Variants in CACNA1G observed in about 807,000 individuals in gnomAD.
CACNA1G encodes voltage-dependent T-type calcium channel subunit alpha-1G.
A neutral mutation model predicts 219.4 loss-of-function variants in CACNA1G; 67 were observed. The observed-to-expected ratio is 0.31, with a 90% CI of 0.25 to 0.37. The LOEUF (loss-of-function observed/expected upper bound fraction) is 0.37, where lower values mean the gene tolerates loss of function less well. Ranked by LOEUF, CACNA1G falls within the 10% of genes least tolerant of loss-of-function variation. The probability of loss-of-function intolerance (pLI) is 1.00; values close to 1 mark genes in which losing one functional copy is unlikely to be tolerated. For synonymous variants in CACNA1G, 1,296 were observed against 1,345.3 expected (o/e 0.96, Z 0.80); for missense variants, 2,380 against 3,231.4 (o/e 0.74, Z 6.39).
At chr17:50,593,838 TG>T (rs369301914) in intron 13 of CACNA1G, among the ~76,000 whole-genome samples, 10 of 152,214 alleles carry the variant, frequency 6.6e-5, no homozygotes, top group African/African-American at 2.4e-4. Flanking sequence ...GGAGTGCCCA[TG>T]GGAGGGGCTG....
chr17:50,595,740 G>A (rs1034172997), intron 14 of CACNA1G, among the ~76,000 whole-genome samples: 2 of 152,252 alleles, frequency 1.3e-5, no homozygotes, highest in Non-Finnish European at 2.9e-5. Flanking sequence ...CAGCATTCCT[G>A]TGGGACCCCA....
At chr17:50,595,319 T>C (rs1279127053) in intron 14 of CACNA1G, among the ~76,000 whole-genome samples, 1 of 152,234 alleles carries the variant, frequency 6.6e-6, no homozygotes, top group Non-Finnish European at 1.5e-5. Flanking sequence ...GACTGGTGGA[T>C]GGGCCGGAGA....
In CACNA1G at chr17:50,561,141, C is replaced by T. The variant is rs1433855559; in HGVS notation, c.-319C>T. ...TCGCCGAAGGTAGCGCCGAATCCGG[C>T]AACCGGAGCCTGGGCGCGAAGCGAA... On this transcript the variant is annotated 5_prime_UTR_variant, in exon 1 of 38. Transcript: ENST00000359106. 9.8e-6 allele frequency: 5 copies of T among 512,306 alleles called. No individual in the cohort carries two copies. Among genetic ancestry groups the T allele is most frequent in the Admixed American group, 5.1e-5 (2 of 38,950 alleles). 31.7% of individuals were successfully genotyped at this position (512,306 alleles called of 1,614,324 possible). A position where few individuals can be genotyped will look rare whatever the true frequency, so the allele number is the denominator to read the frequency against.
At position 50,569,773 on chromosome 17, in the gene CACNA1G, C is replaced by T. The variant is rs1324834045; in HGVS notation, c.556C>T (p.Arg186Ter). 1.3e-6 allele frequency: 2 copies of T among 1,550,676 alleles called. No homozygotes were observed. Among genetic ancestry groups the T allele is most frequent in the Non-Finnish European group, 1.7e-6 (2 of 1,146,822 alleles). ...AGCTGTCAGGACAGTCCGTGTGCTGCGACCGCTCAGGGCCATTAACCGGGT... is the reference window on the plus strand; with the variant it reads ...AGCTGTCAGGACAGTCCGTGTGCTGTGACCGCTCAGGGCCATTAACCGGGT... ...FSAVRTVRVL[R>*]PLRAINRVPS... Residue 186 changes from arginine to a stop codon, truncating the protein, a stop_gained, in exon 4 of 38, where the codon CGA becomes TGA. Coordinates refer to ENST00000359106, the MANE Select transcript of CACNA1G (RefSeq NM_018896.5). LOFTEE classifies it high-confidence loss of function.
rs1408177046 is a variant in CACNA1G at position 50,569,662 on chromosome 17, T to G, written c.489-44T>G. On this transcript the variant is annotated intron_variant, in intron 3 of 37. Transcript: ENST00000359106. The stretch of plus-strand genomic sequence containing the variant: ...TCATTGACCTCTTTTGACCCCACTG[T>G]GGCCTCAGACTCAAAGGGCCTCCCT... 4 of 1,382,902 alleles carry G rather than the reference T, an allele frequency of 2.9e-6. No homozygotes were observed. The East Asian group carries it at 1.0e-4, about 35-fold the overall frequency. 85.7% of individuals were successfully genotyped at this position (1,382,902 alleles called of 1,614,324 possible).
intron 28 of CACNA1G, among the ~76,000 whole-genome samples, chr17:50,616,967 G>A (rs2050724768): frequency 6.6e-6 from 1 of 152,022 alleles, no homozygotes; most frequent in Non-Finnish European, 1.5e-5. Context: ...CAGTCTCCCA[G>A]GTAGCTGGGA....
At chr17:50,589,513 T>C (rs2145418691) in intron 9 of CACNA1G, among the ~76,000 whole-genome samples, 1 of 152,190 alleles carries the variant, frequency 6.6e-6, no homozygotes, top group Middle Eastern at 3.4e-3. Context: ...GGCTGGCATG[T>C]TTTTGCAGCT....
At position 50,595,066 on chromosome 17, in the gene CACNA1G, G is replaced by C; in HGVS notation, c.2979+5G>C. ...CTGCCTGTCGACTCCCAGGGGGTAGGTACGCGATCATGAGCCGGCATGCCT... is the reference window on the plus strand; with the variant it reads ...CTGCCTGTCGACTCCCAGGGGGTAGCTACGCGATCATGAGCCGGCATGCCT... On this transcript the variant is annotated splice_donor_5th_base_variant and intron_variant, in intron 14 of 37. Coordinates refer to ENST00000359106, the MANE Select transcript of CACNA1G (RefSeq NM_018896.5). 6.4e-7 allele frequency: 1 copy of C among 1,551,594 alleles called. No homozygotes were observed. The highest frequency in any genetic ancestry group is 8.7e-7 in the Non-Finnish European group (1 of 1,147,050).
chr17:50,596,823 G>A lies in CACNA1G; in HGVS notation c.3158G>A (p.Ser1053Asn). Reference protein sequence around the residue: ...TAATPMSLPKSTSTGLGEALG... With the variant: ...TAATPMSLPKNTSTGLGEALG... ...GCCACACCCATGTCGCTGCCCAAGA[G>A]CACCAGCACGGGCCTGGGCGAGGCG... Residue 1053 changes from serine (S) to asparagine (N), a missense_variant, in exon 16 of 38, where the codon AGC becomes AAC. Transcript: ENST00000359106. The surrounding 1 kb of genome is among the most constrained non-coding windows in gnomAD (Gnocchi z 4.8). 6.2e-7 allele frequency: 1 copy of A among 1,609,858 alleles called. No homozygotes were observed. The highest frequency in any genetic ancestry group is 8.5e-7 in the Non-Finnish European group (1 of 1,178,976).
chr17:50,618,136 G>A lies in CACNA1G; in HGVS notation c.5305+10G>A. ...CTCTTTGGAGACCTGGGTGAGTTGG[G>A]GTAGGGGAGGGTGGAGGAGCCAGGG... On this transcript the variant is annotated intron_variant, in intron 31 of 37. Transcript: ENST00000359106. This position sits in a 1 kb window ranked among gnomAD's most constrained non-coding sequence, Gnocchi z 5.3. 1 of 1,613,702 alleles carries A rather than the reference G, an allele frequency of 6.2e-7. No homozygotes were observed. Among genetic ancestry groups the A allele is most frequent in the African/African-American group, 1.3e-5 (1 of 75,006 alleles).
Position 50,568,932 on chromosome 17 carries a change from G to A in CACNA1G, c.305G>A (p.Arg102Gln), listed in dbSNP as rs763813233. 3.3e-5 allele frequency: 54 copies of A among 1,613,108 alleles called. No homozygotes were observed. The highest frequency in any genetic ancestry group is 4.1e-5 in the Non-Finnish European group (48 of 1,179,874). Residue 102 changes from arginine (R) to glutamine (Q), a missense_variant, in exon 2 of 38, where the codon CGG (arginine) becomes CAG (glutamine). Physicochemically the swap from Arg to Gln is conservative, Grantham distance 43. This residue lies in a region of CACNA1G where 64 missense variants were observed against 103.7 expected (regional missense o/e 0.62). Transcript: ENST00000359106. ...LLNCVTLGMF[R>Q]PCEDIACDSQ... Reference sequence around the variant, plus strand: ...AACTGCGTGACCCTGGGCATGTTCCGGCCATGCGAGGACATCGCCTGTGAC... The same window carrying A: ...AACTGCGTGACCCTGGGCATGTTCCAGCCATGCGAGGACATCGCCTGTGAC...
chr17:50,599,360 C>T (rs180704251), intron 16 of CACNA1G, 68 bp from the exon 17 acceptor site: 454 of 1,341,660 alleles, frequency 3.4e-4, no homozygotes, highest in Admixed American at 4.2e-4. Context: ...CCCAGGAGAC[C>T]GGGTGCACAT....
chr17:50,601,685 G>C (rs917043116), intron 19 of CACNA1G, among the ~76,000 whole-genome samples: 3 of 152,176 alleles, frequency 2.0e-5, no homozygotes, highest in African/African-American at 7.2e-5. Context: ...AGAGCCAGAG[G>C]CCCTGGACAT....
rs557608566 is a variant in CACNA1G at position 50,590,857 on chromosome 17, C to G, written c.2453+235C>G. On this transcript the variant is annotated intron_variant, in intron 10 of 37. Coordinates refer to ENST00000359106, the MANE Select transcript of CACNA1G (RefSeq NM_018896.5). ...TGACCTTGGGCTCACCTCTTCATTG[C>G]CCAGGCCCCTCTTTAGTCTCCTCTC... Among the ~76,000 whole-genome samples the G allele has an allele frequency of 7.2e-4, 109 of 152,300 alleles. 1 individual carries two copies. The highest frequency in any genetic ancestry group is 2.6e-3 in the African/African-American group (106 of 41,568).
chr17:50,620,377 G>C (rs1207965634), intron 34 of CACNA1G, among the ~76,000 whole-genome samples: 1 of 152,234 alleles, frequency 6.6e-6, no homozygotes, highest in Non-Finnish European at 1.5e-5. Flanking sequence ...GAGATAGAAG[G>C]CTCCAGCTGG....
In CACNA1G at chr17:50,616,326, G is replaced by A; in HGVS notation, c.4963G>A (p.Val1655Ile). ...ICNYIFTVIF[V>I]LESVFKLVAF... Reference sequence around the variant, plus strand: ...CAACTACATCTTCACTGTCATCTTTGTCTTGGAGTCAGTTTTCAAACTTGT... The same window carrying A: ...CAACTACATCTTCACTGTCATCTTTATCTTGGAGTCAGTTTTCAAACTTGT... Residue 1655 changes from valine to isoleucine, a missense_variant, in exon 28 of 38, where the codon GTC becomes ATC. Coordinates refer to ENST00000359106, the MANE Select transcript of CACNA1G (RefSeq NM_018896.5). 6.2e-7 allele frequency: 1 copy of A among 1,613,868 alleles called. No homozygotes were observed. Among genetic ancestry groups the A allele is most frequent in the Non-Finnish European group, 8.5e-7 (1 of 1,179,778 alleles).
At chr17:50,568,134 G>A (rs1348710884) in intron 1 of CACNA1G, among the ~76,000 whole-genome samples, 1 of 152,188 alleles carries the variant, frequency 6.6e-6, no homozygotes, top group African/African-American at 2.4e-5. Flanking sequence ...GGGCTCTGGT[G>A]CTGTAGCAGC....
In CACNA1G at chr17:50,578,361, G is replaced by A. The variant is rs1284626106; in HGVS notation, c.2098G>A (p.Ala700Thr). The A allele has an allele frequency of 6.2e-7, 1 of 1,613,100 alleles. No homozygotes were observed. Among genetic ancestry groups the A allele is most frequent in the East Asian group, 2.2e-5 (1 of 44,860 alleles). The change falls in exon 9 of 38, where the codon GCC becomes ACC. Residue 700 changes from alanine to threonine, a missense_variant. This residue lies in a region of CACNA1G where 434 missense variants were observed against 417.3 expected (regional missense o/e 1.04). Coordinates refer to ENST00000359106, the MANE Select transcript of CACNA1G (RefSeq NM_018896.5). The surrounding 1 kb of genome is among the most constrained non-coding windows in gnomAD (Gnocchi z 4.5). ...GGCAGTTTATGAGTTCACACAGGAT[G>A]CCCAGCACAGCGACCTCCGGGACCC... is the stretch of plus-strand genomic sequence containing the variant. ...SEAVYEFTQD[A>T]QHSDLRDPHS...
At chr17:50,614,268 C>A (rs974989449) in intron 26 of CACNA1G, among the ~76,000 whole-genome samples, 2 of 152,232 alleles carry the variant, frequency 1.3e-5, no homozygotes, top group African/African-American at 4.8e-5. Context: ...AAGCCAGCTA[C>A]CCCCTGGCTC....
Sources: allele counts gnomAD v4.1 joint callset (sites outside exome capture counted in the v4.1 genomes callset), GRCh38; gene constraint gnomAD v4.1.1; regional missense constraint gnomAD v4.1.1; non-coding constraint Gnocchi (gnomAD v3.1); transcripts MANE v1.5; gene names NCBI Gene and HGNC (gene_info 2026-07-23, HGNC 2026-07-21).